The following IPO8 variants were observed in gnomAD, a reference collection of about 807,000 sequenced individuals.
The protein encoded by IPO8 is importin-8.
IPO8 carries 65 observed loss-of-function variants against 141.2 expected under a neutral mutation model. The observed-to-expected ratio is 0.46, with a 90% CI of 0.38 to 0.57. The LOEUF (loss-of-function observed/expected upper bound fraction) is 0.57, where lower values mean the gene tolerates loss of function less well. Ranked by LOEUF, IPO8 falls within the 20% of genes least tolerant of loss-of-function variation. The pLI is 0.00. For synonymous variants in IPO8, 411 were observed against 420.3 expected (o/e 0.98, Z 0.27); for missense variants, 980 against 1,246.8 (o/e 0.79, Z 3.22).
chr12:30,652,002 C>T (rs918349372), intron 19 of IPO8, among the ~76,000 whole-genome samples, 190 bp downstream of exon 19: 2 of 151,970 alleles, frequency 1.3e-5, no homozygotes, highest in South Asian at 4.1e-4. Context: ...GGCAAACATT[C>T]ATAAGCACGA....
At chr12:30,640,072 T>C (rs1363312154) in intron 20 of IPO8, among the ~76,000 whole-genome samples, 1 of 152,182 alleles carries the variant, frequency 6.6e-6, no homozygotes, top group Non-Finnish European at 1.5e-5. Context: ...GTGAAATCAC[T>C]GCATGTCATT....
At chr12:30,681,882 T>C in intron 3 of IPO8, 65 bp from the exon 4 acceptor site, 1 of 1,334,470 alleles carries the variant, frequency 7.5e-7, no homozygotes, top group Non-Finnish European at 1.0e-6. Flanking sequence ...CAAAGACCTC[T>C]AATATTTTAC....
intron 21 of IPO8, 101 bp downstream of exon 21, chr12:30,639,414 T>G: frequency 1.4e-6 from 1 of 734,126 alleles, no homozygotes; most frequent in Non-Finnish European, 2.3e-6. Flanking sequence ...AAATAATTCC[T>G]AAGACATGAA....
chr12:30,632,198 A>T (rs2052442482), intron 23 of IPO8, among the ~76,000 whole-genome samples, 187 bp from the exon 24 acceptor site: 1 of 152,206 alleles, frequency 6.6e-6, no homozygotes, highest in Non-Finnish European at 1.5e-5. Context: ...CCCACTTAGT[A>T]CCCAGCTATG....
chr12:30,694,709 T>G (rs2053320781), intron 1 of IPO8, among the ~76,000 whole-genome samples: 1 of 152,210 alleles, frequency 6.6e-6, no homozygotes, highest in Non-Finnish European at 1.5e-5. Context: ...TTTTGGAATA[T>G]TTACATTTTA....
intron 8 of IPO8, among the ~76,000 whole-genome samples, chr12:30,673,692 T>C (rs867757235): frequency 2.0e-5 from 3 of 152,198 alleles, no homozygotes; most frequent in South Asian, 2.1e-4. Context: ...AGAGAATTAA[T>C]AGAAGAACCC....
At chr12:30,632,558 C>T (rs2052447812) in intron 23 of IPO8, among the ~76,000 whole-genome samples, 1 of 152,190 alleles carries the variant, frequency 6.6e-6, no homozygotes, top group Non-Finnish European at 1.5e-5. Context: ...CACTACTGTG[C>T]ATCCTTAACA....
intron 21 of IPO8, among the ~76,000 whole-genome samples, chr12:30,637,769 T>TA (rs1292425272): frequency 6.6e-6 from 1 of 152,190 alleles, no homozygotes; most frequent in East Asian, 1.9e-4. Context: ...GTTTGACCAG[T>TA]AAACATTAGA....
At chr12:30,675,395 T>C (rs1218507127) in intron 6 of IPO8, among the ~76,000 whole-genome samples, 1 of 152,168 alleles carries the variant, frequency 6.6e-6, no homozygotes, top group East Asian at 1.9e-4. Context: ...CTCTGCAAGA[T>C]TAGTGAAAAG....
chr12:30,641,493 C>CTTTTTTTTTTTTTTTTTTTTT (rs58656525), intron 20 of IPO8, among the ~76,000 whole-genome samples: 5 of 135,050 alleles, frequency 3.7e-5, no homozygotes, highest in Non-Finnish European at 6.3e-5. Flanking sequence ...TAAGCTATTT[C>CTTTTTTTTTTTTTTTTTTTTT]TTTTTTTTTT....
At chr12:30,679,054 G>A (rs1343555947) in intron 5 of IPO8, among the ~76,000 whole-genome samples, 2 of 152,156 alleles carry the variant, frequency 1.3e-5, no homozygotes, top group Admixed American at 1.3e-4. Flanking sequence ...GGCCAGGCTG[G>A]TCTTGAACTC....
rs763009576 is a variant in IPO8 at position 30,665,209 on chromosome 12, G to T, written c.1428+11C>A. The stretch of plus-strand genomic sequence containing the variant: ...GATTTAAGATACATAACAGAAATAT[G>T]AAAAACTTACTCTAGCTCGAAGATA... On this transcript the variant is annotated intron_variant, in intron 13 of 24. Coordinates refer to ENST00000256079, the MANE Select transcript of IPO8 (RefSeq NM_006390.4). 7 of 1,413,066 alleles carry T rather than the reference G, an allele frequency of 5.0e-6. No individual in the cohort carries two copies. In the East Asian group the frequency reaches 1.4e-4, roughly 28 times the overall value. The allele number at this position is 1,413,066 out of a possible 1,614,324, so 87.5% of individuals were successfully genotyped here. A position where few individuals can be genotyped will look rare whatever the true frequency, so the allele number is the denominator to read the frequency against.
At chr12:30,672,023 G>A (rs888516429) in intron 8 of IPO8, among the ~76,000 whole-genome samples, 1 of 151,926 alleles carries the variant, frequency 6.6e-6, no homozygotes, top group Non-Finnish European at 1.5e-5. Flanking sequence ...CAACACAACT[G>A]AGAAGTTATT....
intron 20 of IPO8, among the ~76,000 whole-genome samples, chr12:30,642,386 C>T (rs904686866): frequency 1.3e-5 from 2 of 152,018 alleles, no homozygotes; most frequent in African/African-American, 4.8e-5. Flanking sequence ...CTCAGCATCA[C>T]ACAATATATC....
At chr12:30,637,959 T>C (rs2052525083) in intron 21 of IPO8, among the ~76,000 whole-genome samples, 1 of 152,202 alleles carries the variant, frequency 6.6e-6, no homozygotes, top group Non-Finnish European at 1.5e-5. Flanking sequence ...CAGGCTTCTG[T>C]TATTCTTCAT....
chr12:30,665,960 C>T (rs1318620901), intron 11 of IPO8, 115 bp from the exon 12 acceptor site: 6 of 706,682 alleles, frequency 8.5e-6, no homozygotes, highest in Non-Finnish European at 1.4e-5. Context: ...TTTTATCAAG[C>T]AACTATAAGC....
chr12:30,678,590 C>A (rs927087940), intron 5 of IPO8, among the ~76,000 whole-genome samples: 3 of 152,116 alleles, frequency 2.0e-5, no homozygotes, highest in Non-Finnish European at 4.4e-5. Flanking sequence ...AGAATGCATC[C>A]CCAAAGTTAA....
At chr12:30,690,191 A>C (rs1456447662) in intron 2 of IPO8, among the ~76,000 whole-genome samples, 1 of 152,244 alleles carries the variant, frequency 6.6e-6, no homozygotes, top group Non-Finnish European at 1.5e-5. Context: ...GCTACCAGAA[A>C]TCATAAAACG....
chr12:30,673,934 A>G (rs1204155776), intron 8 of IPO8, 56 bp downstream of exon 8: 1 of 1,037,522 alleles, frequency 9.6e-7, no homozygotes, highest in Admixed American at 1.9e-5. Flanking sequence ...GTAGACAGAA[A>G]TGCCTTTACT....
Sources: gnomAD v4.1 joint callset for allele counts (sites outside exome capture counted in the v4.1 genomes callset) on GRCh38, gnomAD v4.1.1 for gene constraint, MANE v1.5 for transcripts, NCBI Gene and HGNC (gene_info 2026-07-23, HGNC 2026-07-21) for gene names.